Variants in JPH1 observed in about 807,000 individuals in gnomAD.
JPH1 encodes the protein junctophilin-1.
A neutral mutation model predicts 53.6 loss-of-function variants in JPH1; 12 were observed. That is an observed-to-expected ratio of 0.22 (90% CI 0.14 to 0.36). The LOEUF (loss-of-function observed/expected upper bound fraction) is 0.36, where lower values mean the gene tolerates loss of function less well. Among genes scored for constraint, JPH1 ranks in the 10% least tolerant of loss-of-function variants. The pLI, the probability that JPH1 is intolerant of heterozygous loss-of-function variation, is 1.00. For synonymous variants in JPH1, 375 were observed against 363.8 expected (o/e 1.03, Z -0.35); for missense variants, 808 against 905.5 (o/e 0.89, Z 1.38).
chr8:74,259,407 C>T lies in JPH1; in HGVS notation c.1236G>A (p.Leu412=). The T allele has an allele frequency of 1.2e-6, 2 of 1,613,776 alleles. No homozygotes were observed. The highest frequency in any genetic ancestry group is 1.7e-6 in the Non-Finnish European group (2 of 1,179,752). ...TACCTGGTTGGTAGAAATCAGGTGA[C>T]AGCTCCCTGGCCACAGCTCTCGCGA... ...CDIARAVARE[L]SPDFYQPGPD... The change falls in exon 3 of 6, where the codon CTG becomes CTA. Residue 412 remains leucine, a synonymous_variant. Coordinates refer to ENST00000342232, the MANE Select transcript of JPH1 (RefSeq NM_020647.4).
At chr8:74,243,493 CAG>C (rs1178660388) in intron 4 of JPH1, among the ~76,000 whole-genome samples, 1 of 152,176 alleles carries the variant, frequency 6.6e-6, no homozygotes. Flanking sequence ...CATAAGTTAA[CAG>C]AGGAATTTTA....
chr8:74,277,290 T>A (rs1396870068), intron 2 of JPH1, among the ~76,000 whole-genome samples: 1 of 152,204 alleles, frequency 6.6e-6, no homozygotes, highest in Non-Finnish European at 1.5e-5. Context: ...GCCCTCGGCA[T>A]GTCCTTAGCT....
At position 74,245,089 on chromosome 8, in the gene JPH1, G is replaced by A. The variant is rs766321457; in HGVS notation, c.1345C>T (p.Pro449Ser). The stretch of plus-strand genomic sequence containing the variant: ...CGATAAAAATGAGGAGACTCCTTTG[G>A]TGTAGGTGGCTTTTCTGGTACCTTT... The part of the protein sequence containing the change: ...EEKVPEKPPT[P>S]KESPHFYRKG... Residue 449 changes from proline (P) to serine (S), a missense_variant, in exon 4 of 6, where the codon CCA becomes TCA. Coordinates refer to ENST00000342232, the MANE Select transcript of JPH1 (RefSeq NM_020647.4). 2 of 1,613,386 alleles carry A rather than the reference G, an allele frequency of 1.2e-6. No individual in the cohort carries two copies. Among genetic ancestry groups the A allele is most frequent in the South Asian group, 2.2e-5 (2 of 91,046 alleles).
intron 4 of JPH1, among the ~76,000 whole-genome samples, chr8:74,238,284 T>G (rs993295604): frequency 2.0e-5 from 3 of 152,122 alleles, no homozygotes; most frequent in African/African-American, 7.2e-5. Flanking sequence ...GTATTGATGT[T>G]TTTTGGGTGT....
intron 1 of JPH1, among the ~76,000 whole-genome samples, chr8:74,317,953 G>T (rs770639272): frequency 3.3e-5 from 5 of 152,136 alleles, no homozygotes; most frequent in Non-Finnish European, 7.4e-5. Flanking sequence ...ATAGGGAAGG[G>T]GGGGACAAGA....
At chr8:74,288,484 C>T (rs1807233069) in intron 2 of JPH1, among the ~76,000 whole-genome samples, 1 of 152,038 alleles carries the variant, frequency 6.6e-6, no homozygotes, top group South Asian at 2.1e-4. Flanking sequence ...AGCCAGACAT[C>T]CAGAAGGACA....
intron 2 of JPH1, among the ~76,000 whole-genome samples, chr8:74,302,030 C>T (rs1807697539): frequency 6.6e-6 from 1 of 152,208 alleles, no homozygotes; most frequent in South Asian, 2.1e-4. Context: ...ATTTCCTATG[C>T]CTCAGTTTCC....
intron 4 of JPH1, among the ~76,000 whole-genome samples, chr8:74,237,607 C>G (rs1295116868): frequency 6.6e-6 from 1 of 152,200 alleles, no homozygotes; most frequent in African/African-American, 2.4e-5. Context: ...ACAGCTCACC[C>G]TAACAGGGCC....
rs1222584344 is a variant in JPH1 at position 74,320,335 on chromosome 8, C to A, written c.379+574G>T. Among the ~76,000 whole-genome samples, 1 of 152,140 alleles carries A rather than the reference C, an allele frequency of 6.6e-6. No individual in the cohort carries two copies. Among genetic ancestry groups the A allele is most frequent in the Non-Finnish European group, 1.5e-5 (1 of 68,036 alleles). ...CATAACTAGGACGTTTCCAAATGCA[C>A]CCCCAAATAAGGTACAATTCCCCAA... is the stretch of plus-strand genomic sequence containing the variant. On this transcript the variant is annotated intron_variant, in intron 1 of 5. Transcript: ENST00000342232. The surrounding 1 kb of genome is among the most constrained non-coding windows in gnomAD (Gnocchi z 4.4).
At chr8:74,263,797 G>T (rs1440608423) in intron 2 of JPH1, among the ~76,000 whole-genome samples, 2 of 149,556 alleles carry the variant, frequency 1.3e-5, no homozygotes, top group South Asian at 2.2e-4. Flanking sequence ...TGGCACCATA[G>T]GTAAGAAAAT....
At chr8:74,300,399 T>C (rs931462021) in intron 2 of JPH1, among the ~76,000 whole-genome samples, 1 of 152,222 alleles carries the variant, frequency 6.6e-6, no homozygotes, top group African/African-American at 2.4e-5. Context: ...TAAGCTTGTG[T>C]GTGCGTTGTG....
intron 2 of JPH1, among the ~76,000 whole-genome samples, chr8:74,259,946 G>A (rs1328802733): frequency 6.6e-6 from 1 of 152,240 alleles, no homozygotes; most frequent in Non-Finnish European, 1.5e-5. Context: ...TGGCATGCTG[G>A]TGAAGTAGCT....
In JPH1 at chr8:74,259,248, C is replaced by T. The variant is rs532794961; in HGVS notation, c.1258+137G>A. ...ACTTCAGATGAAGGATCCTCAACCGCAGGCGCCCTTGCTTGTTTTGTATAA... is the reference window on the plus strand; with the variant it reads ...ACTTCAGATGAAGGATCCTCAACCGTAGGCGCCCTTGCTTGTTTTGTATAA... On this transcript the variant is annotated intron_variant, in intron 3 of 5. Coordinates refer to ENST00000342232, the MANE Select transcript of JPH1 (RefSeq NM_020647.4). 224 of 626,624 alleles carry T rather than the reference C, an allele frequency of 3.6e-4. 1 individual carries two copies. In the South Asian group the frequency reaches 5.1e-3, roughly 14 times the overall value. 38.8% of individuals were successfully genotyped at this position (626,624 alleles called of 1,614,324 possible).
chr8:74,295,674 C>T (rs1051205147), intron 2 of JPH1, among the ~76,000 whole-genome samples: 2 of 152,106 alleles, frequency 1.3e-5, no homozygotes, highest in Admixed American at 6.5e-5. Context: ...AATAAGGTCC[C>T]AGAGTCTTTC....
intron 4 of JPH1, 74 bp from the exon 5 acceptor site, chr8:74,237,377 G>A: frequency 8.7e-7 from 1 of 1,146,934 alleles, no homozygotes; most frequent in South Asian, 1.4e-5. Flanking sequence ...GCCAATTACT[G>A]AAAAAATGAG....
Position 74,251,168 on chromosome 8 carries a change from A to C in JPH1, c.1259-5993T>G, listed in dbSNP as rs561348324. On this transcript the variant is annotated intron_variant, in intron 3 of 5. Coordinates refer to ENST00000342232, the MANE Select transcript of JPH1 (RefSeq NM_020647.4). The stretch of plus-strand genomic sequence containing the variant: ...ATAGAAACGTCCTTGCCAATGTGAG[A>C]GCAGTCTTCCAAGGTTCTGGCTCAG... Among the ~76,000 whole-genome samples, 77 of 152,300 alleles carry C rather than the reference A, an allele frequency of 5.1e-4. No individual in the cohort carries two copies. The South Asian group carries it at 0.015, about 30-fold the overall frequency.
intron 2 of JPH1, among the ~76,000 whole-genome samples, chr8:74,286,510 C>A (rs997356632): frequency 1.3e-5 from 2 of 152,116 alleles, no homozygotes; most frequent in Non-Finnish European, 2.9e-5. Flanking sequence ...AACAAAACAC[C>A]AGAACTTATT....
chr8:74,241,507 A>C (rs1244619889), intron 4 of JPH1, among the ~76,000 whole-genome samples: 1 of 152,038 alleles, frequency 6.6e-6, no homozygotes. Context: ...AGAAAATAAA[A>C]AACAGGAAAT....
intron 3 of JPH1, among the ~76,000 whole-genome samples, chr8:74,254,974 G>A (rs1806175133): frequency 6.6e-6 from 1 of 152,200 alleles, no homozygotes; most frequent in Non-Finnish European, 1.5e-5. Context: ...ACTGCCCAAG[G>A]TAATTTATAG....
Sources: gnomAD v4.1 joint callset for allele counts (sites outside exome capture counted in the v4.1 genomes callset) on GRCh38, gnomAD v4.1.1 for gene constraint, Gnocchi (gnomAD v3.1) non-coding constraint, MANE v1.5 for transcripts, NCBI Gene and HGNC (gene_info 2026-07-23, HGNC 2026-07-21) for gene names.